DACH2: variants seen among roughly 807,000 people sequenced by gnomAD.
DACH2 encodes dachshund homolog 2.
In DACH2, 17 loss-of-function variants were observed where a neutral mutation model predicts 35.8. The ratio of observed to expected loss-of-function variants is 0.48; its 90% confidence interval spans 0.33 to 0.71. The LOEUF is 0.71. DACH2 is among the 30% of genes least tolerant of loss of function. DACH2 has a pLI of 0.02. For missense variants in DACH2, 469 were observed against 472.7 expected, an observed-to-expected ratio of 0.99 and a Z score of 0.07; for synonymous variants, 195 against 177.3, an observed-to-expected ratio of 1.10 and a Z score of -0.79.
chrX:86,267,743 G>T (rs915266885), intron 1 of DACH2, among the ~76,000 whole-genome samples: 2 of 112,176 alleles, frequency 1.8e-5, no homozygotes, highest in Admixed American at 1.9e-4. Context: ...GTGACAAATA[G>T]AAATTATTCA....
chrX:86,624,060 CAAAAAAAAAAAA>C (rs34140706), intron 3 of DACH2, among the ~76,000 whole-genome samples: 1 of 36,064 alleles, frequency 2.8e-5, no homozygotes, highest in Non-Finnish European at 5.0e-5. Flanking sequence ...AAAAACAAAA[CAAAAAAAAAAAA>C]AAAAAAAAAA....
intron 2 of DACH2, among the ~76,000 whole-genome samples, chrX:86,403,414 A>G (rs1264836165): frequency 8.9e-6 from 1 of 112,392 alleles, no homozygotes; most frequent in African/African-American, 3.2e-5. Context: ...AAATTGGACA[A>G]TGAAAATATG....
At chrX:86,414,263 A>G (rs1047946711) in intron 2 of DACH2, among the ~76,000 whole-genome samples, 11 of 111,219 alleles carry the variant, frequency 9.9e-5, no homozygotes, top group Admixed American at 1.9e-4. Flanking sequence ...TTAAGTAGGA[A>G]TGCAGTAGGC....
At chrX:86,780,472 A>G (rs1311979278) in intron 7 of DACH2, among the ~76,000 whole-genome samples, 1 of 112,204 alleles carries the variant, frequency 8.9e-6, no homozygotes, top group Non-Finnish European at 1.9e-5. Context: ...AATGCAAAAT[A>G]GCCGTTTTAA....
chrX:86,581,633 T>TA (rs1460998974), intron 3 of DACH2, among the ~76,000 whole-genome samples: 2 of 110,214 alleles, frequency 1.8e-5, no homozygotes, highest in East Asian at 2.9e-4. Context: ...GAAAAAAAAA[T>TA]AAAAAATTGG....
chrX:86,436,802 G>T (rs2037075225), intron 2 of DACH2, among the ~76,000 whole-genome samples: 1 of 111,597 alleles, frequency 9.0e-6, no homozygotes, highest in East Asian at 2.8e-4. Flanking sequence ...ATTGTTTATT[G>T]ATTCAACTTT....
rs184799239 is a variant in DACH2 at position 86,161,134 on chromosome X, C to G, written c.488+12026C>G. On this transcript the variant is annotated intron_variant, in intron 1 of 11. Transcript: ENST00000373125. The stretch of plus-strand genomic sequence containing the variant: ...CCAATTTTCTTAATGTAAGTGCTGA[C>G]TTCCTTAACGATTTCCTCATATCTC... The G allele has an allele frequency of 7.9e-6, 9 of 1,134,539 alleles. No homozygotes were observed. The East Asian group carries it at 2.7e-4, about 34-fold the overall frequency. The allele number at this position is 1,134,539 out of a possible 1,213,427, so 93.5% of individuals were successfully genotyped here.
At chrX:86,535,654 A>C (rs1193345703) in intron 3 of DACH2, among the ~76,000 whole-genome samples, 1 of 110,733 alleles carries the variant, frequency 9.0e-6, no homozygotes, top group East Asian at 2.8e-4. Flanking sequence ...TAGCCACGCC[A>C]AAGTATTGGT....
intron 3 of DACH2, among the ~76,000 whole-genome samples, chrX:86,549,631 C>A (rs1205136170): frequency 1.8e-5 from 2 of 109,548 alleles, no homozygotes; most frequent in African/African-American, 3.3e-5. Flanking sequence ...TTCTCTATAA[C>A]AATTTTGAAG....
At chrX:86,310,014 G>T (rs759210242) in intron 1 of DACH2, among the ~76,000 whole-genome samples, 2 of 112,340 alleles carry the variant, frequency 1.8e-5, no homozygotes, top group African/African-American at 3.2e-5. Flanking sequence ...GCCCTTGGCA[G>T]GCTCCCATAG....
At chrX:86,307,188 A>T (rs1281553422) in intron 1 of DACH2, among the ~76,000 whole-genome samples, 1 of 111,844 alleles carries the variant, frequency 8.9e-6, no homozygotes, top group Non-Finnish European at 1.9e-5. Context: ...GATGAACTCA[A>T]GGATTCTGTC....
At chrX:86,361,365 G>A (rs1353107428) in intron 1 of DACH2, among the ~76,000 whole-genome samples, 1 of 111,374 alleles carries the variant, frequency 9.0e-6, no homozygotes, top group African/African-American at 3.2e-5. Flanking sequence ...AAAAGATGCA[G>A]TTGAATAATT....
chrX:86,563,808 C>G (rs755200566), intron 3 of DACH2, among the ~76,000 whole-genome samples: 3 of 110,774 alleles, frequency 2.7e-5, no homozygotes, highest in African/African-American at 9.8e-5. Flanking sequence ...CTGTAAAACA[C>G]CATACAAACA....
chrX:86,209,827 A>G (rs2032403366), intron 1 of DACH2, among the ~76,000 whole-genome samples: 1 of 111,401 alleles, frequency 9.0e-6, no homozygotes, highest in Non-Finnish European at 1.9e-5. Flanking sequence ...CAATAATATC[A>G]GTACACAAGA....
At chrX:86,287,799 G>C (rs2034183987) in intron 1 of DACH2, among the ~76,000 whole-genome samples, 1 of 111,652 alleles carries the variant, frequency 9.0e-6, no homozygotes, top group Non-Finnish European at 1.9e-5. Context: ...TCTGCGTTAT[G>C]TTGAATTTCT....
At chrX:86,249,561 G>T (rs755870147) in intron 1 of DACH2, among the ~76,000 whole-genome samples, 240 of 111,479 alleles carry the variant, frequency 2.2e-3, no homozygotes, top group African/African-American at 7.4e-3. Flanking sequence ...ACAGATGCTG[G>T]TGATGCTGTA....
chrX:86,659,792 T>C (rs1027260081), intron 4 of DACH2, among the ~76,000 whole-genome samples: 1 of 111,840 alleles, frequency 8.9e-6, no homozygotes, highest in Non-Finnish European at 1.9e-5. Context: ...TCTGAGATAA[T>C]CACATTGCCT....
chrX:86,505,803 TAAAAC>T (rs1444498657), intron 2 of DACH2, among the ~76,000 whole-genome samples: 1 of 112,008 alleles, frequency 8.9e-6, no homozygotes, highest in Non-Finnish European at 1.9e-5. Context: ...AAATAGAAAT[TAAAAC>T]AGACAGATTA....
chrX:86,496,179 TGAAG>T (rs1417867461), intron 2 of DACH2, among the ~76,000 whole-genome samples: 2 of 111,794 alleles, frequency 1.8e-5, no homozygotes, highest in African/African-American at 3.2e-5. Flanking sequence ...ACAATTTGAA[TGAAG>T]GAAGTGAAAC....
Sources: gnomAD v4.1 joint callset for allele counts (sites outside exome capture counted in the v4.1 genomes callset) on GRCh38, gnomAD v4.1.1 for gene constraint, MANE v1.5 for transcripts, NCBI Gene and HGNC (gene_info 2026-07-23, HGNC 2026-07-21) for gene names.